Variants in VARS1 observed in about 807,000 individuals in gnomAD.
VARS1 encodes the protein valine--tRNA ligase.
A neutral mutation model predicts 161.0 loss-of-function variants in VARS1; 92 were observed. That is an observed-to-expected ratio of 0.57 (90% confidence interval 0.48 to 0.68). The LOEUF (loss-of-function observed/expected upper bound fraction) is 0.68, where lower values mean the gene tolerates loss of function less well. VARS1 is among the 30% of genes least tolerant of loss of function. The probability of loss-of-function intolerance (pLI) is 0.00; values close to 1 mark genes in which losing one functional copy is unlikely to be tolerated. For synonymous variants in VARS1, 595 were observed against 682.5 expected, an observed-to-expected ratio of 0.87 and a Z score of 2.00; for missense variants, 1,338 against 1,695.9, an observed-to-expected ratio of 0.79 and a Z score of 3.71.
In VARS1 at chr6:31,795,470, GC is replaced by G. The variant is rs1028575263; in HGVS notation, c.-34+75del. 2 of 377,222 alleles carry G rather than the reference GC, an allele frequency of 5.3e-6. No homozygotes were observed. 23.4% of individuals were successfully genotyped at this position (377,222 alleles called of 1,614,324 possible). Reference sequence around the variant, plus strand: ...AAGAGGAACTATCCACCATCGCGGGGCTTCGGGGAGTGTGGAAGGCTCTCAG... The same window carrying G: ...AAGAGGAACTATCCACCATCGCGGGGTTCGGGGAGTGTGGAAGGCTCTCAG... On this transcript the variant is annotated intron_variant, in intron 1 of 29. Transcript: ENST00000375663. The surrounding 1 kb of genome is among the most constrained non-coding windows in gnomAD (Gnocchi z 6.9).
In VARS1 at chr6:31,785,276, G is replaced by C. The variant is rs934402637; in HGVS notation, c.1317C>G (p.Asp439Glu). ...HQLKKLGSSL[D>E]WDRACFTMDP... ...CCATGGTGAAACAGGCTCGATCCCA[G>C]TCCAAGGAGCTGCCAAGCTTCTTCA... Residue 439 changes from aspartate to glutamate, a missense_variant, in exon 10 of 30, where the codon GAC becomes GAG. Coordinates refer to ENST00000375663, the MANE Select transcript of VARS1 (RefSeq NM_006295.3). This position sits in a 1 kb window ranked among gnomAD's most constrained non-coding sequence, Gnocchi z 6.1. 2 of 1,613,098 alleles carry C rather than the reference G, an allele frequency of 1.2e-6. No individual in the cohort carries two copies. Among genetic ancestry groups the C allele is most frequent in the Non-Finnish European group, 1.7e-6 (2 of 1,180,026 alleles).
At chr6:31,793,517 A>T (rs911054562) in intron 2 of VARS1, among the ~76,000 whole-genome samples, 1 of 152,050 alleles carries the variant, frequency 6.6e-6, no homozygotes, top group African/African-American at 2.4e-5. Context: ...GAAAAAAAAA[A>T]ACAAAACACT....
rs527948331 is a variant in VARS1, at chr6:31,783,925, C to T, written c.1671+289G>A. On this transcript the variant is annotated intron_variant, in intron 13 of 29. Coordinates refer to ENST00000375663, the MANE Select transcript of VARS1 (RefSeq NM_006295.3). ...ATTCACCTGCCTCAGCCTCCCAAAG[C>T]GCTGGGATTACAGGCATGAGCCACC... 9.9e-5 allele frequency among the ~76,000 whole-genome samples: 15 copies of T among 152,160 alleles called. No individual in the cohort carries two copies. The East Asian group carries it at 1.7e-3, about 18-fold the overall frequency.
Position 31,782,052 on chromosome 6 carries a change from G to A in VARS1, c.2241+35C>T, listed in dbSNP as rs752569643. 2 of 1,612,364 alleles carry A rather than the reference G, an allele frequency of 1.2e-6. No individual in the cohort carries two copies. Among genetic ancestry groups the A allele is most frequent in the East Asian group, 2.2e-5 (1 of 44,854 alleles). On this transcript the variant is annotated intron_variant, in intron 18 of 29. Transcript: ENST00000375663. The surrounding 1 kb of genome is among the most constrained non-coding windows in gnomAD (Gnocchi z 8.3). Reference sequence around the variant, plus strand: ...CCCAGTAAACCCACCACTCCAGCAGGGTGTCCCAGCAGCTAGCTCTGGCCC... The same window carrying A: ...CCCAGTAAACCCACCACTCCAGCAGAGTGTCCCAGCAGCTAGCTCTGGCCC...
In VARS1 at chr6:31,782,586, C is replaced by T; in HGVS notation, c.1935G>A (p.Lys645=). 6.2e-7 allele frequency: 1 copy of T among 1,613,104 alleles called. No homozygotes were observed. The highest frequency in any genetic ancestry group is 8.5e-7 in the Non-Finnish European group (1 of 1,180,040). ...EARKAVLVAL[K]ERGLFRGIED... is the part of the protein sequence containing the mutation. Reference sequence around the variant, plus strand: ...CAATGCCACGGAACAGTCCCCGCTCCTTCAGCGCCACCAGCACCGCTTTCC... The same window carrying T: ...CAATGCCACGGAACAGTCCCCGCTCTTTCAGCGCCACCAGCACCGCTTTCC... The change falls in exon 16 of 30, where the codon AAG becomes AAA. Residue 645 remains lysine, a synonymous_variant. Transcript: ENST00000375663. The surrounding 1 kb of genome is among the most constrained non-coding windows in gnomAD (Gnocchi z 8.3).
At position 31,780,750 on chromosome 6, in the gene VARS1, C is replaced by T. The variant is rs1813086641; in HGVS notation, c.2752G>A (p.Gly918Ser). 1 of 1,614,110 alleles carries T rather than the reference C, an allele frequency of 6.2e-7. No individual in the cohort carries two copies. Among genetic ancestry groups the T allele is most frequent in the South Asian group, 1.1e-5 (1 of 91,096 alleles). Residue 918 changes from glycine to serine, a missense_variant, in exon 24 of 30, where the codon GGC becomes AGC. Physicochemically the swap from Gly to Ser is moderately conservative, Grantham distance 56. Coordinates refer to ENST00000375663, the MANE Select transcript of VARS1 (RefSeq NM_006295.3). This position sits in a 1 kb window ranked among gnomAD's most constrained non-coding sequence, Gnocchi z 5.1. ...AATCCAAACCGGAGAGCATCGGTGCCACATTCAGGAATCCCCGCTGGGAAG... is the reference window on the plus strand; with the variant it reads ...AATCCAAACCGGAGAGCATCGGTGCTACATTCAGGAATCCCCGCTGGGAAG... Reference protein sequence around the residue: ...ADFPAGIPECGTDALRFGLCA... With the variant: ...ADFPAGIPECSTDALRFGLCA...
Position 31,785,516 on chromosome 6 carries a change from A to G in VARS1, c.1265+53T>C. ...GTTACAGGTGACAGAGGTCTTCTGGATAGGGGACAGGGAGGCAGGGCTGCG... is the reference window on the plus strand; with the variant it reads ...GTTACAGGTGACAGAGGTCTTCTGGGTAGGGGACAGGGAGGCAGGGCTGCG... On this transcript the variant is annotated intron_variant, in intron 9 of 29. Coordinates refer to ENST00000375663, the MANE Select transcript of VARS1 (RefSeq NM_006295.3). The surrounding 1 kb of genome is among the most constrained non-coding windows in gnomAD (Gnocchi z 6.1). 1 of 1,542,544 alleles carries G rather than the reference A, an allele frequency of 6.5e-7. No homozygotes were observed. The highest frequency in any genetic ancestry group is 8.7e-7 in the Non-Finnish European group (1 of 1,142,898).
rs748977909 is a variant in VARS1, at chr6:31,780,787, C to G, written c.2719-4G>C. The G allele has an allele frequency of 6.2e-6, 10 of 1,614,076 alleles. No individual in the cohort carries two copies. Among genetic ancestry groups the G allele is most frequent in the African/African-American group, 1.3e-5 (1 of 74,942 alleles). ...TCCCCGCTGGGAAGTCAGCTTTCTA[C>G]AGGGAAGAGGCAGGGGGAGGAGCGT... On this transcript the variant is annotated splice_region_variant and splice_polypyrimidine_tract_variant and intron_variant, in intron 23 of 29. Transcript: ENST00000375663. The surrounding 1 kb of genome is among the most constrained non-coding windows in gnomAD (Gnocchi z 5.1).
At position 31,792,526 on chromosome 6, in the gene VARS1, G is replaced by A. The variant is rs1249586173; in HGVS notation, c.662-10C>T. On this transcript the variant is annotated splice_polypyrimidine_tract_variant and intron_variant, in intron 4 of 29. Coordinates refer to ENST00000375663, the MANE Select transcript of VARS1 (RefSeq NM_006295.3). The stretch of plus-strand genomic sequence containing the variant: ...GCAGGAGCCTCGGGGCCTAGAGAGA[G>A]GTGCAGAAATTCAGACTCAGCCAGC... 4 of 1,613,702 alleles carry A rather than the reference G, an allele frequency of 2.5e-6. No homozygotes were observed. The African/African-American group carries it at 4.0e-5, about 16-fold the overall frequency.
In VARS1 at chr6:31,780,194, G is replaced by A; in HGVS notation, c.2926-41C>T. ...TGTATCAGCCGGCGGGCCAGGGGAGGGTGCCAGAACCCCATGGGGGCAGGA... is the reference window on the plus strand; with the variant it reads ...TGTATCAGCCGGCGGGCCAGGGGAGAGTGCCAGAACCCCATGGGGGCAGGA... On this transcript the variant is annotated intron_variant, in intron 25 of 29. Coordinates refer to ENST00000375663, the MANE Select transcript of VARS1 (RefSeq NM_006295.3). The surrounding 1 kb of genome is among the most constrained non-coding windows in gnomAD (Gnocchi z 5.1). 1 of 1,608,216 alleles carries A rather than the reference G, an allele frequency of 6.2e-7. No individual in the cohort carries two copies. Among genetic ancestry groups the A allele is most frequent in the Non-Finnish European group, 8.5e-7 (1 of 1,179,008 alleles).
At position 31,780,685 on chromosome 6, in the gene VARS1, G is replaced by T. The variant is rs769336247; in HGVS notation, c.2797+20C>A. ...AGAAGGAGGAAGGAGTGGCTGGGAGGGACGCTTTGGGGGCCATACCCTGGG... is the reference window on the plus strand; with the variant it reads ...AGAAGGAGGAAGGAGTGGCTGGGAGTGACGCTTTGGGGGCCATACCCTGGG... On this transcript the variant is annotated intron_variant, in intron 24 of 29. Transcript: ENST00000375663. The surrounding 1 kb of genome is among the most constrained non-coding windows in gnomAD (Gnocchi z 5.1). 1.4e-5 allele frequency: 23 copies of T among 1,614,082 alleles called. No individual in the cohort carries two copies. The African/African-American group carries it at 2.4e-4, about 17-fold the overall frequency.
Position 31,779,228 on chromosome 6 carries a change from C to T in VARS1, c.3465G>A (p.Gln1155=). Residue 1155 remains glutamine (Q), a synonymous_variant, in exon 29 of 30, where the codon CAG becomes CAA. Transcript: ENST00000375663. This position sits in a 1 kb window ranked among gnomAD's most constrained non-coding sequence, Gnocchi z 9.1. ...CCACCACACCTGCGCTGGCCAGGGC[C>T]TGCACGTAGCCCGACACCGCCGATG... ...ALASAVSGYV[Q]ALASAGVVAV... 6.2e-7 allele frequency: 1 copy of T among 1,606,734 alleles called. No individual in the cohort carries two copies.
rs768231667 is a variant in VARS1 at position 31,792,898 on chromosome 6, G to A, written c.523-3C>T. 4 of 1,612,198 alleles carry A rather than the reference G, an allele frequency of 2.5e-6. No individual in the cohort carries two copies. The highest frequency in any genetic ancestry group is 3.4e-6 in the Non-Finnish European group (4 of 1,179,770). ...CGGCGGGCAGGTGGGTCTAGGACCT[G>A]GAACAGGAAATAAATGACTCTTCTC... On this transcript the variant is annotated splice_region_variant and splice_polypyrimidine_tract_variant and intron_variant, in intron 3 of 29. Transcript: ENST00000375663.
In VARS1 at chr6:31,791,614, G is replaced by C. The variant is rs760122765; in HGVS notation, c.1096C>G (p.Arg366Gly). ...AAGGTGCAGATAGAAGCTCACCATC[G>C]AGTCAGGGAGTCCTGGATGGCGTTG... ...LTNAIQDSLT[R>G]WHRMRGETTL... Residue 366 changes from arginine (R) to glycine (G), a missense_variant, in exon 8 of 30, where the codon CGA (arginine) becomes GGA (glycine). Physicochemically the swap from Arg to Gly is moderately radical, Grantham distance 125. Coordinates refer to ENST00000375663, the MANE Select transcript of VARS1 (RefSeq NM_006295.3). The surrounding 1 kb of genome is among the most constrained non-coding windows in gnomAD (Gnocchi z 5.0). 4 of 1,610,210 alleles carry C rather than the reference G, an allele frequency of 2.5e-6. No individual in the cohort carries two copies.
In VARS1 at chr6:31,784,363, A is replaced by T; in HGVS notation, c.1576+31T>A. On this transcript the variant is annotated intron_variant, in intron 12 of 29. Coordinates refer to ENST00000375663, the MANE Select transcript of VARS1 (RefSeq NM_006295.3). This position sits in a 1 kb window ranked among gnomAD's most constrained non-coding sequence, Gnocchi z 6.1. ...GCCTTGGCCCCTTCCTGCCACTCCCAGCCCAGGATCCTGGTGCCCCTGGCT... is the reference window on the plus strand; with the variant it reads ...GCCTTGGCCCCTTCCTGCCACTCCCTGCCCAGGATCCTGGTGCCCCTGGCT... 1 of 1,614,160 alleles carries T rather than the reference A, an allele frequency of 6.2e-7. No individual in the cohort carries two copies. The highest frequency in any genetic ancestry group is 1.1e-5 in the South Asian group (1 of 91,082).
At position 31,782,817 on chromosome 6, in the gene VARS1, G is replaced by A. The variant is rs145093040; in HGVS notation, c.1791C>T (p.Asp597=). 5.0e-6 allele frequency: 8 copies of A among 1,612,748 alleles called. No homozygotes were observed. The highest frequency in any genetic ancestry group is 2.2e-5 in the East Asian group (1 of 44,894). The change falls in exon 15 of 30, where the codon GAC becomes GAT. Residue 597 remains aspartate, a synonymous_variant. Coordinates refer to ENST00000375663, the MANE Select transcript of VARS1 (RefSeq NM_006295.3). This position sits in a 1 kb window ranked among gnomAD's most constrained non-coding sequence, Gnocchi z 8.3. ...TGAVKITPAH[D]QNDYEVGQRH... is the part of the protein sequence containing the mutation. ...GCTGCCCAACTTCATAGTCATTTTG[G>A]TCATGTGCGGGGGTGATCTTCACAG...
In VARS1 at chr6:31,778,813, T is replaced by C; in HGVS notation, c.3726+154A>G. 1 of 1,087,538 alleles carries C rather than the reference T, an allele frequency of 9.2e-7. No homozygotes were observed. The allele number at this position is 1,087,538 out of a possible 1,614,324, so 67.4% of individuals were successfully genotyped here. On this transcript the variant is annotated intron_variant, in intron 29 of 29. Transcript: ENST00000375663. The surrounding 1 kb of genome is among the most constrained non-coding windows in gnomAD (Gnocchi z 5.1). ...TGAGCCACTGAGCCAGGCTGTTTTG[T>C]TTTTTAAGGCTAGTGGGAGTGGAGA...
At chr6:31,788,963 CATTA>C (rs1813698841) in intron 8 of VARS1, among the ~76,000 whole-genome samples, 1 of 152,006 alleles carries the variant, frequency 6.6e-6, no homozygotes, top group African/African-American at 2.4e-5. Flanking sequence ...TTTTTGACCA[CATTA>C]ATTTAGTACA....
At position 31,785,692 on chromosome 6, in the gene VARS1, C is replaced by CA; in HGVS notation, c.1141dup (p.Cys381LeufsTer2). The CA allele has an allele frequency of 6.2e-7, 1 of 1,612,926 alleles. No homozygotes were observed. Among genetic ancestry groups the CA allele is most frequent in the Non-Finnish European group, 8.5e-7 (1 of 1,180,008 alleles). ...CTGGGTGGCAATACCTGCATGGTCA[C>CA]AGCCAGGGTTCCACAGGGTGGTCTC... On this transcript the variant is annotated frameshift_variant, in exon 9 of 30. Transcript: ENST00000375663. LOFTEE classifies it high-confidence loss of function. This position sits in a 1 kb window ranked among gnomAD's most constrained non-coding sequence, Gnocchi z 6.1.
Sources: gnomAD v4.1 joint callset for allele counts (sites outside exome capture counted in the v4.1 genomes callset) on GRCh38, gnomAD v4.1.1 for gene constraint, Gnocchi (gnomAD v3.1) non-coding constraint, MANE v1.5 for transcripts, NCBI Gene and HGNC (gene_info 2026-07-23, HGNC 2026-07-21) for gene names.